The following TMEM117 variants were observed in gnomAD, a reference collection of about 807,000 sequenced individuals.
TMEM117 encodes the protein transmembrane protein 117.
TMEM117 carries 27 observed loss-of-function variants against 52.4 expected under a neutral mutation model. That is an observed-to-expected ratio of 0.51 (90% confidence interval 0.38 to 0.71). The LOEUF is 0.71. Among genes scored for constraint, TMEM117 ranks in the 30% least tolerant of loss-of-function variants. The pLI is 0.00. For synonymous variants in TMEM117, 215 were observed against 206.3 expected (o/e 1.04, Z -0.36); for missense variants, 556 against 630.5 (o/e 0.88, Z 1.26).
intron 4 of TMEM117, among the ~76,000 whole-genome samples, chr12:44,185,530 A>G (rs1949265490): frequency 6.6e-6 from 1 of 152,196 alleles, no homozygotes; most frequent in Admixed American, 6.5e-5. Flanking sequence ...ATCGTTAGGA[A>G]AAGACATTGG....
intron 3 of TMEM117, among the ~76,000 whole-genome samples, chr12:43,987,582 G>T (rs1945869927): frequency 6.7e-6 from 1 of 149,680 alleles, no homozygotes. Context: ...AGTCTTATGT[G>T]CCCTGAGTCA....
chr12:44,368,365 T>A (rs1042071446), intron 6 of TMEM117, among the ~76,000 whole-genome samples: 2 of 152,154 alleles, frequency 1.3e-5, no homozygotes, highest in African/African-American at 2.4e-5. Context: ...AAACATATAA[T>A]CATAGAACTG....
chr12:44,232,263 T>C (rs1248681459), intron 5 of TMEM117, among the ~76,000 whole-genome samples: 3 of 151,636 alleles, frequency 2.0e-5, no homozygotes, highest in Non-Finnish European at 3.0e-5. Flanking sequence ...ACTGCTTTGC[T>C]TTTTAAGTCT....
chr12:44,105,022 A>C (rs941945849), intron 3 of TMEM117, among the ~76,000 whole-genome samples: 1 of 151,900 alleles, frequency 6.6e-6, no homozygotes, highest in Non-Finnish European at 1.5e-5. Flanking sequence ...TCTGACATTA[A>C]TTTGGGAAAA....
At chr12:44,014,749 T>C (rs1946348106) in intron 3 of TMEM117, among the ~76,000 whole-genome samples, 2 of 152,214 alleles carry the variant, frequency 1.3e-5, no homozygotes, top group Non-Finnish European at 2.9e-5. Flanking sequence ...CTTGGTGTTG[T>C]GCTTTTATGT....
chr12:44,053,162 A>G (rs565476304), intron 3 of TMEM117, among the ~76,000 whole-genome samples: 1 of 152,268 alleles, frequency 6.6e-6, no homozygotes, highest in South Asian at 2.1e-4. Context: ...CCTTCCCTTC[A>G]GATGCGAGCT....
intron 5 of TMEM117, among the ~76,000 whole-genome samples, chr12:44,270,041 A>G (rs534791682): frequency 3.3e-5 from 5 of 152,270 alleles, no homozygotes; most frequent in African/African-American, 4.8e-5. Flanking sequence ...TTTAAGTGCA[A>G]TAATAACAAA....
At chr12:44,077,134 A>C (rs990247209) in intron 3 of TMEM117, among the ~76,000 whole-genome samples, 5 of 152,172 alleles carry the variant, frequency 3.3e-5, no homozygotes, top group African/African-American at 1.2e-4. Context: ...CTTAGCAGGA[A>C]CAAAGCTTTA....
At chr12:44,190,848 ACT>A (rs1949342022) in intron 4 of TMEM117, among the ~76,000 whole-genome samples, 1 of 148,992 alleles carries the variant, frequency 6.7e-6, no homozygotes, top group South Asian at 2.1e-4. Context: ...GTATATGTGC[ACT>A]CTCTCTCTAT....
chr12:44,047,528 T>C (rs1388006040), intron 3 of TMEM117, among the ~76,000 whole-genome samples: 1 of 152,226 alleles, frequency 6.6e-6, no homozygotes, highest in Non-Finnish European at 1.5e-5. Context: ...GAGATTGTTT[T>C]TCTCTTAGTT....
At chr12:44,368,393 T>A (rs1000593927) in intron 6 of TMEM117, among the ~76,000 whole-genome samples, 19 of 152,128 alleles carry the variant, frequency 1.2e-4, no homozygotes, top group African/African-American at 4.6e-4. Flanking sequence ...TGTGAAGAAC[T>A]CTGGAGGTCA....
intron 4 of TMEM117, among the ~76,000 whole-genome samples, chr12:44,171,051 T>A (rs1435353318): frequency 1.3e-5 from 2 of 149,998 alleles, no homozygotes; most frequent in Non-Finnish European, 3.0e-5. Flanking sequence ...AGTCTCGCTC[T>A]GTCGCCCAGG....
At chr12:44,174,048 G>A (rs1402781879) in intron 4 of TMEM117, among the ~76,000 whole-genome samples, 3 of 152,010 alleles carry the variant, frequency 2.0e-5, no homozygotes, top group Admixed American at 6.6e-5. Flanking sequence ...AAGTTTTTAA[G>A]CTTTTTCCAT....
chr12:43,867,114 A>G (rs1349978205), intron 2 of TMEM117, among the ~76,000 whole-genome samples: 1 of 152,158 alleles, frequency 6.6e-6, no homozygotes, highest in South Asian at 2.1e-4. Context: ...AAAAGAAAAG[A>G]CAACAATGTT....
At chr12:44,293,785 T>C (rs894432080) in intron 5 of TMEM117, among the ~76,000 whole-genome samples, 3 of 152,290 alleles carry the variant, frequency 2.0e-5, no homozygotes, top group Non-Finnish European at 4.4e-5. Context: ...TCTATAGTTA[T>C]TTTTAATACT....
chr12:44,334,882 A>C lies in TMEM117; in HGVS notation c.768+35143A>C, dbSNP rs538283194. ...CACTATAAAAATCTTCTGAAAAAGTATATAGAATGGCCTTTCACTGTGATA... is the reference window on the plus strand; with the variant it reads ...CACTATAAAAATCTTCTGAAAAAGTCTATAGAATGGCCTTTCACTGTGATA... On this transcript the variant is annotated intron_variant, in intron 6 of 7. Coordinates refer to ENST00000266534, the MANE Select transcript of TMEM117 (RefSeq NM_032256.3). Among the ~76,000 whole-genome samples the C allele has an allele frequency of 3.9e-5, 6 of 152,190 alleles. No individual in the cohort carries two copies. The East Asian group carries it at 1.2e-3, about 29-fold the overall frequency.
chr12:43,982,484 CT>C (rs897023390), intron 3 of TMEM117, among the ~76,000 whole-genome samples: 9 of 151,104 alleles, frequency 6.0e-5, no homozygotes, highest in Non-Finnish European at 7.4e-5. Context: ...GTTTTCTAAC[CT>C]TTTTTTTTCA....
intron 2 of TMEM117, among the ~76,000 whole-genome samples, chr12:43,936,154 G>C (rs6582490): frequency 0.68 from 103,241 of 152,076 alleles, 39,115 homozygotes; most frequent in Non-Finnish European, 0.82. Flanking sequence ...GTGGTGGATG[G>C]ATTTGAGATG....
At chr12:44,149,187 A>AT (rs1206624345) in intron 4 of TMEM117, among the ~76,000 whole-genome samples, 1 of 152,200 alleles carries the variant, frequency 6.6e-6, no homozygotes, top group African/African-American at 2.4e-5. Context: ...TCGAATGGTC[A>AT]TTACTGCTCT....
Sources: gnomAD v4.1 joint callset for allele counts (sites outside exome capture counted in the v4.1 genomes callset) on GRCh38, gnomAD v4.1.1 for gene constraint, MANE v1.5 for transcripts, NCBI Gene and HGNC (gene_info 2026-07-23, HGNC 2026-07-21) for gene names.